The following CACNA1A variants were observed in gnomAD, a reference collection of about 807,000 sequenced individuals.
CACNA1A encodes voltage-dependent P/Q-type calcium channel subunit alpha-1A.
In CACNA1A, 57 loss-of-function variants were observed where a neutral mutation model predicts 262.4. That is an observed-to-expected ratio of 0.22 (90% CI 0.18 to 0.27). The LOEUF (loss-of-function observed/expected upper bound fraction) is 0.27. Among genes scored for constraint, CACNA1A ranks in the 10% least tolerant of loss-of-function variants. The pLI, the probability that CACNA1A is intolerant of heterozygous loss-of-function variation, is 1.00. For synonymous variants in CACNA1A, 1,431 were observed against 1,419.3 expected, an observed-to-expected ratio of 1.01 and a Z score of -0.18; for missense variants, 2,526 against 3,562.8, an observed-to-expected ratio of 0.71 and a Z score of 7.41.
intron 19 of CACNA1A, among the ~76,000 whole-genome samples, chr19:13,292,488 C>T (rs1320878068): frequency 1.3e-5 from 2 of 151,970 alleles, no homozygotes; most frequent in Non-Finnish European, 2.9e-5. Flanking sequence ...GTCATGCACA[C>T]CTGTAGTCCC....
rs1332854504 is a variant in CACNA1A at position 13,357,189 on chromosome 19, A to C, written c.978+2417T>G. ...TCTCCCTCCACCCACAAGTGGGGAA[A>C]TTCCTTAACCCATTTATGCCGGAGG... On this transcript the variant is annotated intron_variant, in intron 6 of 46. Coordinates refer to ENST00000360228, the MANE Select transcript of CACNA1A (RefSeq NM_001127222.2). 2.0e-5 allele frequency among the ~76,000 whole-genome samples: 3 copies of C among 152,202 alleles called. No individual in the cohort carries two copies. In the East Asian group the frequency reaches 5.8e-4, roughly 29 times the overall value.
At position 13,231,698 on chromosome 19, in the gene CACNA1A, CCA is replaced by C; in HGVS notation, c.5400+10_5400+11del. ...GGAGCCCAGACGGCCCTCACAGTGT[CCA>C]CAGACTCACCAGAAACGAGCAGAGG... On this transcript the variant is annotated intron_variant, in intron 35 of 46. Transcript: ENST00000360228. 2 of 1,606,098 alleles carry C rather than the reference CCA, an allele frequency of 1.2e-6. No individual in the cohort carries two copies. Among genetic ancestry groups the C allele is most frequent in the Non-Finnish European group, 1.7e-6 (2 of 1,176,230 alleles).
chr19:13,432,571 C>A (rs970999272), intron 3 of CACNA1A, among the ~76,000 whole-genome samples: 2 of 151,734 alleles, frequency 1.3e-5, no homozygotes, highest in African/African-American at 4.9e-5. Context: ...AAGTTTCAGT[C>A]AGACAGGAGG....
At chr19:13,249,616 A>G (rs2056343357) in intron 30 of CACNA1A, among the ~76,000 whole-genome samples, 1 of 152,076 alleles carries the variant, frequency 6.6e-6, no homozygotes, top group Non-Finnish European at 1.5e-5. Context: ...CAGCCTCCCA[A>G]AGTGCTGCGA....
intron 22 of CACNA1A, among the ~76,000 whole-genome samples, chr19:13,282,212 C>A (rs1325615858): frequency 6.6e-6 from 1 of 152,006 alleles, no homozygotes; most frequent in Non-Finnish European, 1.5e-5. Flanking sequence ...AAGCTGTGGG[C>A]GGGCTTGAGG....
chr19:13,207,739 G>A lies in CACNA1A; in HGVS notation c.7095C>T (p.Pro2365=). ...PTGGHSSGRS[P]RMERRVPGPA... The stretch of plus-strand genomic sequence containing the variant: ...GGCCTGGGACCCGCCTCTCCATCCT[G>A]GGCGAGCGGCCGCTGCTGTGGCCCC... The change falls in exon 47 of 47, where the codon CCC becomes CCT. Residue 2365 remains proline, a synonymous_variant. Transcript: ENST00000360228. This position sits in a 1 kb window ranked among gnomAD's most constrained non-coding sequence, Gnocchi z 5.7. 1 of 1,371,866 alleles carries A rather than the reference G, an allele frequency of 7.3e-7. No individual in the cohort carries two copies. The highest frequency in any genetic ancestry group is 9.3e-7 in the Non-Finnish European group (1 of 1,069,840). The allele number at this position is 1,371,866 out of a possible 1,614,324, so 85.0% of individuals were successfully genotyped here. A position where few individuals can be genotyped will look rare whatever the true frequency, so the allele number is the denominator to read the frequency against.
rs183723101 is a variant in CACNA1A at position 13,474,068 on chromosome 19, T to C, written c.294-18856A>G. The stretch of plus-strand genomic sequence containing the variant: ...AAAAAATAAACCCACATATTCTGTG[T>C]CTCCAAAAGAAGCTTTTACTTTTGC... On this transcript the variant is annotated intron_variant, in intron 1 of 46. Coordinates refer to ENST00000360228, the MANE Select transcript of CACNA1A (RefSeq NM_001127222.2). 2.8e-3 allele frequency among the ~76,000 whole-genome samples: 429 copies of C among 152,334 alleles called. 2 individuals are homozygous for C. The highest frequency in any genetic ancestry group is 9.7e-3 in the African/African-American group (405 of 41,564).
intron 38 of CACNA1A, among the ~76,000 whole-genome samples, chr19:13,216,092 G>T (rs2054999492): frequency 6.6e-6 from 1 of 151,490 alleles, no homozygotes; most frequent in Admixed American, 6.6e-5. Context: ...CTCAGAGGAG[G>T]TCTTTTCCCC....
intron 1 of CACNA1A, among the ~76,000 whole-genome samples, chr19:13,499,447 T>TGGGGG (rs200317630): frequency 1.1e-5 from 1 of 87,678 alleles, no homozygotes; most frequent in African/African-American, 4.8e-5. Flanking sequence ...TCGCAGGGGG[T>TGGGGG]GGTGGGGGGG....
At chr19:13,494,738 C>T (rs772232548) in intron 1 of CACNA1A, among the ~76,000 whole-genome samples, 1 of 152,062 alleles carries the variant, frequency 6.6e-6, no homozygotes, top group Non-Finnish European at 1.5e-5. Flanking sequence ...AAGCAAGGCA[C>T]GTCTTACATG....
chr19:13,284,196 T>C (rs1448101735), intron 21 of CACNA1A: 1 of 152,188 alleles, frequency 6.6e-6, no homozygotes, highest in African/African-American at 2.4e-5. Context: ...ACCTCAGTTT[T>C]TTCATCTGTC....
chr19:13,505,218 C>A (rs1334594049), intron 1 of CACNA1A, among the ~76,000 whole-genome samples: 1 of 152,010 alleles, frequency 6.6e-6, no homozygotes, highest in Non-Finnish European at 1.5e-5. Context: ...TGAGGTTCCC[C>A]AATCAGCGGT....
rs1352174443 is a variant in CACNA1A, at chr19:13,261,809, T to C, written c.4090-199A>G. The stretch of plus-strand genomic sequence containing the variant: ...AGTTGGACTCAATCCTGGCATTCTA[T>C]GGATCTAAAACTCCCAGATGGGATA... On this transcript the variant is annotated intron_variant, in intron 25 of 46. Transcript: ENST00000360228. 5.3e-6 allele frequency: 3 copies of C among 564,920 alleles called. No homozygotes were observed. In the African/African-American group the frequency reaches 5.6e-5, roughly 11 times the overall value. The allele number at this position is 564,920 out of a possible 1,614,324, so 35.0% of individuals were successfully genotyped here.
rs1301947665 is a variant in CACNA1A, at chr19:13,389,538, C to T, written c.540-17759G>A. On this transcript the variant is annotated intron_variant, in intron 3 of 46. Transcript: ENST00000360228. ...CCTTTGAGTGGTGCAAGACTTTCCTCTGTGCCCGCATCGCTGGAAACCCTT... is the reference window on the plus strand; with the variant it reads ...CCTTTGAGTGGTGCAAGACTTTCCTTTGTGCCCGCATCGCTGGAAACCCTT... Among the ~76,000 whole-genome samples the T allele has an allele frequency of 2.0e-5, 3 of 152,206 alleles. No individual in the cohort carries two copies. In the East Asian group the frequency reaches 5.8e-4, roughly 29 times the overall value.
At chr19:13,230,532 C>T (rs1171486501) in intron 35 of CACNA1A, among the ~76,000 whole-genome samples, 6 of 151,946 alleles carry the variant, frequency 3.9e-5, no homozygotes, top group East Asian at 1.9e-4. Context: ...TGGCCGGGCA[C>T]GGTGGATCAC....
intron 38 of CACNA1A, among the ~76,000 whole-genome samples, chr19:13,218,549 A>G (rs1355212725): frequency 6.6e-6 from 1 of 151,988 alleles, no homozygotes. Flanking sequence ...CCTTCCCCAG[A>G]TGCCCTTCCT....
chr19:13,226,929 C>G (rs2055474219), intron 37 of CACNA1A: 2 of 152,476 alleles, frequency 1.3e-5, no homozygotes, highest in Admixed American at 1.3e-4. Flanking sequence ...TCCCCAAGGC[C>G]CTAGGTCAGA....
chr19:13,416,061 T>C (rs1013593058), intron 3 of CACNA1A, among the ~76,000 whole-genome samples: 13 of 152,172 alleles, frequency 8.5e-5, no homozygotes, highest in Non-Finnish European at 1.8e-4. Flanking sequence ...GATTAAGCAC[T>C]TGAAGTGCAG....
chr19:13,263,740 T>G (rs1346147615), intron 24 of CACNA1A, among the ~76,000 whole-genome samples: 1 of 151,760 alleles, frequency 6.6e-6, no homozygotes, highest in Non-Finnish European at 1.5e-5. Context: ...AGGCTGGTCT[T>G]GAACTCCTGA....
Sources: gnomAD v4.1 joint callset for allele counts (sites outside exome capture counted in the v4.1 genomes callset) on GRCh38, gnomAD v4.1.1 for gene constraint, Gnocchi (gnomAD v3.1) non-coding constraint, MANE v1.5 for transcripts, NCBI Gene and HGNC (gene_info 2026-07-23, HGNC 2026-07-21) for gene names.